The following FAM178B variants were observed in gnomAD, a reference collection of about 807,000 sequenced individuals.
FAM178B encodes protein FAM178B.
In FAM178B, 82 loss-of-function variants were observed where a neutral mutation model predicts 91.7. The ratio of observed to expected loss-of-function variants is 0.89; its 90% confidence interval spans 0.75 to 1.07. FAM178B has a LOEUF of 1.07. Ranked by LOEUF, FAM178B falls within the 50% of genes least tolerant of loss-of-function variation. The pLI is 0.00. For missense variants in FAM178B, 769 were observed against 846.7 expected, an observed-to-expected ratio of 0.91 and a Z score of 1.14; for synonymous variants, 368 against 359.4, an observed-to-expected ratio of 1.02 and a Z score of -0.27.
At chr2:96,917,331 C>G (rs984345813) in intron 12 of FAM178B, among the ~76,000 whole-genome samples, 4 of 152,236 alleles carry the variant, frequency 2.6e-5, no homozygotes, top group Non-Finnish European at 5.9e-5. Flanking sequence ...TGGCACAAAG[C>G]ATCACCCTGC....
chr2:96,879,262 G>T (rs1329328156), intron 14 of FAM178B, among the ~76,000 whole-genome samples: 6 of 152,176 alleles, frequency 3.9e-5, no homozygotes, highest in African/African-American at 1.4e-4. Context: ...TTGTCCTCTC[G>T]GCTCTCTCTT....
intron 14 of FAM178B, among the ~76,000 whole-genome samples, chr2:96,891,741 C>T (rs1016923013): frequency 2.0e-5 from 3 of 152,170 alleles, no homozygotes; most frequent in Admixed American, 2.0e-4. Flanking sequence ...GGGGAAGGAG[C>T]TGGGCAGAAG....
At chr2:96,944,241 CAAA>C (rs397868752) in intron 8 of FAM178B, among the ~76,000 whole-genome samples, 17 of 56,938 alleles carry the variant, frequency 3.0e-4, no homozygotes, top group East Asian at 5.7e-4. Context: ...GACTCCATCT[CAAA>C]AAAAAAAAAA....
chr2:96,914,390 C>T (rs114054657), intron 12 of FAM178B, among the ~76,000 whole-genome samples: 2,583 of 152,186 alleles, frequency 0.017, 81 homozygotes, highest in African/African-American at 0.06. Context: ...CCCAGTGCAC[C>T]GCAGGGACAG....
chr2:96,929,336 G>A lies in FAM178B; in HGVS notation c.1079-16C>T, dbSNP rs925150279. The A allele has an allele frequency of 3.5e-5, 53 of 1,527,220 alleles. No individual in the cohort carries two copies. The highest frequency in any genetic ancestry group is 1.5e-4 in the African/African-American group (11 of 72,520). The allele number at this position is 1,527,220 out of a possible 1,614,324, so 94.6% of individuals were successfully genotyped here. A position where few individuals can be genotyped will look rare whatever the true frequency, so the allele number is the denominator to read the frequency against. On this transcript the variant is annotated splice_polypyrimidine_tract_variant and intron_variant, in intron 8 of 16. Coordinates refer to ENST00000490605, the MANE Select transcript of FAM178B (RefSeq NM_001122646.3). ...TTGTCTTCATCTGTCAGGCCAAAAG[G>A]GAGCAGAGAGTTAGAATGGGGAACG...
chr2:96,902,685 G>A lies in FAM178B; in HGVS notation c.1585C>T (p.Leu529Phe). 1.3e-6 allele frequency: 2 copies of A among 1,550,748 alleles called. No individual in the cohort carries two copies. The highest frequency in any genetic ancestry group is 4.9e-5 in the East Asian group (2 of 40,888). The change falls in exon 13 of 17, where the codon CTT becomes TTT. Residue 529 changes from leucine to phenylalanine, a missense_variant. Transcript: ENST00000490605. Reference sequence around the variant, plus strand: ...CCCAGCATTCGAGCAATGACCACAAGGCTGAGCTGGCTTCGAAGCCGCCTG... The same window carrying A: ...CCCAGCATTCGAGCAATGACCACAAAGCTGAGCTGGCTTCGAAGCCGCCTG... The part of the protein sequence containing the change: ...RSRRLRSQLS[L>F]VVIARMLGQQ...
At chr2:96,897,333 T>A (rs892011433) in intron 13 of FAM178B, among the ~76,000 whole-genome samples, 3 of 152,214 alleles carry the variant, frequency 2.0e-5, no homozygotes, top group Admixed American at 6.5e-5. Context: ...ATTGAATGAA[T>A]AAATGAACAG....
chr2:96,966,233 G>A (rs1427703541), intron 5 of FAM178B, among the ~76,000 whole-genome samples: 1 of 151,976 alleles, frequency 6.6e-6, no homozygotes, highest in Non-Finnish European at 1.5e-5. Context: ...TCGAGGTGCT[G>A]CTTAGAAGAC....
chr2:96,957,803 AC>A (rs2082021072), intron 6 of FAM178B, among the ~76,000 whole-genome samples: 1 of 151,860 alleles, frequency 6.6e-6, no homozygotes, highest in African/African-American at 2.4e-5. Context: ...GGTGATGTGA[AC>A]CCTTACTAAT....
intron 16 of FAM178B, 73 bp downstream of exon 16, chr2:96,877,817 G>C: frequency 6.8e-7 from 1 of 1,470,952 alleles, no homozygotes; most frequent in East Asian, 2.4e-5. Context: ...GGGTGGATGT[G>C]CTGGTGGCTC....
chr2:96,972,663 A>C, intron 1 of FAM178B, 57 bp from the exon 2 acceptor site: 1 of 1,485,998 alleles, frequency 6.7e-7, no homozygotes, highest in Non-Finnish European at 9.1e-7. Flanking sequence ...TAAAGGTTCT[A>C]AACCCCGTGA....
intron 1 of FAM178B, chr2:96,977,941 T>TGGGGG: frequency 1.2e-4 from 6 of 50,438 alleles, no homozygotes; most frequent in South Asian, 2.7e-4. Context: ...CGCTGGAGGG[T>TGGGGG]GGGGCGGGCG....
chr2:96,912,961 G>A (rs1198544923), intron 12 of FAM178B, among the ~76,000 whole-genome samples: 6 of 152,242 alleles, frequency 3.9e-5, no homozygotes, highest in Non-Finnish European at 8.8e-5. Flanking sequence ...GAGAACTGGG[G>A]GAGGAAGCTT....
intron 9 of FAM178B, among the ~76,000 whole-genome samples, chr2:96,927,444 G>C (rs953374632): frequency 6.6e-6 from 1 of 152,186 alleles, no homozygotes; most frequent in Non-Finnish European, 1.5e-5. Flanking sequence ...GGGCCCAAAA[G>C]AGGTAGATGT....
chr2:96,981,740 C>CG (rs2082363907), intron 1 of FAM178B, among the ~76,000 whole-genome samples: 1 of 18,720 alleles, frequency 5.3e-5, no homozygotes, highest in Non-Finnish European at 1.6e-4. Context: ...GACTCCGTCT[C>CG]AAAAAAAAAA....
chr2:96,958,002 CATT>C (rs963772273), intron 6 of FAM178B, among the ~76,000 whole-genome samples: 1 of 150,926 alleles, frequency 6.6e-6, no homozygotes. Context: ...AGTATTAGTT[CATT>C]ATTAACATTT....
At chr2:96,921,976 C>T (rs568512819) in intron 10 of FAM178B, among the ~76,000 whole-genome samples, 9 of 152,156 alleles carry the variant, frequency 5.9e-5, no homozygotes, top group South Asian at 2.1e-4. Context: ...GAGGTTGGCA[C>T]GATACAGCTC....
In FAM178B at chr2:96,986,177, A is replaced by T. The variant is rs985885787; in HGVS notation, c.73+64T>A. 145 of 1,531,090 alleles carry T rather than the reference A, an allele frequency of 9.5e-5. No individual in the cohort carries two copies. The African/African-American group carries it at 1.8e-3, about 19-fold the overall frequency. The allele number at this position is 1,531,090 out of a possible 1,614,324, so 94.8% of individuals were successfully genotyped here. A position where few individuals can be genotyped will look rare whatever the true frequency, so the allele number is the denominator to read the frequency against. On this transcript the variant is annotated intron_variant, in intron 1 of 16. Transcript: ENST00000490605. ...CCTGGACCAGCCAGGAGTCCCAGGG[A>T]AGTCGAGTGCTCTCTGAGCGCTAAC...
intron 14 of FAM178B, among the ~76,000 whole-genome samples, chr2:96,883,817 T>C (rs952185478): frequency 1.3e-5 from 2 of 151,228 alleles, no homozygotes; most frequent in African/African-American, 4.9e-5. Context: ...CCAGGGGGGG[T>C]CCTCTTGCTT....
Sources: gnomAD v4.1 joint callset for allele counts (sites outside exome capture counted in the v4.1 genomes callset) on GRCh38, gnomAD v4.1.1 for gene constraint, MANE v1.5 for transcripts, NCBI Gene and HGNC (gene_info 2026-07-23, HGNC 2026-07-21) for gene names.